PKIA: variants seen among roughly 807,000 people sequenced by gnomAD.
PKIA encodes PKI-alpha.
Under a neutral mutation model 7.6 loss-of-function variants are expected in PKIA, and 4 were observed. The ratio of observed to expected loss-of-function variants is 0.52; its 90% CI spans 0.26 to 1.20. PKIA has a LOEUF of 1.20. Among genes scored for constraint, PKIA ranks in the 50% most tolerant of loss-of-function variants. The pLI is 0.13. For synonymous variants in PKIA, 21 were observed against 30.7 expected, an observed-to-expected ratio of 0.68 and a Z score of 1.04; for missense variants, 73 against 86.2, an observed-to-expected ratio of 0.85 and a Z score of 0.61.
At chr8:78,576,745 C>A (rs1436133907) in intron 2 of PKIA, among the ~76,000 whole-genome samples, 1 of 151,860 alleles carries the variant, frequency 6.6e-6, no homozygotes, top group Non-Finnish European at 1.5e-5. Flanking sequence ...TTGACAGTGG[C>A]ATAGTGAGAT....
At chr8:78,525,104 C>T (rs560080270) in intron 1 of PKIA, among the ~76,000 whole-genome samples, 2 of 151,568 alleles carry the variant, frequency 1.3e-5, no homozygotes, top group South Asian at 4.2e-4. Context: ...AGAGGTGAAT[C>T]ATATTTTAGT....
intron 1 of PKIA, among the ~76,000 whole-genome samples, chr8:78,520,387 C>T (rs1809393814): frequency 6.6e-6 from 1 of 152,154 alleles, no homozygotes; most frequent in African/African-American, 2.4e-5. Context: ...ATTGTACCTG[C>T]TTTCAGTATT....
chr8:78,559,624 T>G (rs1807236101), intron 1 of PKIA, among the ~76,000 whole-genome samples: 1 of 152,182 alleles, frequency 6.6e-6, no homozygotes, highest in Non-Finnish European at 1.5e-5. Context: ...GAACTAAATG[T>G]CTGTGTGATG....
chr8:78,517,256 A>G (rs1304295917), intron 1 of PKIA, among the ~76,000 whole-genome samples: 1 of 152,156 alleles, frequency 6.6e-6, no homozygotes, highest in Non-Finnish European at 1.5e-5. Flanking sequence ...CCCCAAATGC[A>G]TGGAATGAAA....
At chr8:78,544,936 G>T (rs1351256856) in intron 1 of PKIA, among the ~76,000 whole-genome samples, 1 of 151,806 alleles carries the variant, frequency 6.6e-6, no homozygotes, top group Non-Finnish European at 1.5e-5. Context: ...CAGTAATAGA[G>T]GCCTGATTAA....
In PKIA at chr8:78,524,475, T is replaced by A. The variant is rs1430286231; in HGVS notation, c.-157+8007T>A. On this transcript the variant is annotated intron_variant, in intron 1 of 3. Transcript: ENST00000396418. ...CAAATTTGTGCTTTCCTGCAGTGAG[T>A]CAAGCTGAGATAAAATGGGGCTGAT... Among the ~76,000 whole-genome samples, 3 of 151,354 alleles carry A rather than the reference T, an allele frequency of 2.0e-5. No individual in the cohort carries two copies. The East Asian group carries it at 5.8e-4, about 29-fold the overall frequency.
chr8:78,522,168 G>A (rs1809428922), intron 1 of PKIA, among the ~76,000 whole-genome samples: 1 of 151,778 alleles, frequency 6.6e-6, no homozygotes, highest in Non-Finnish European at 1.5e-5. Context: ...ATTAAACATG[G>A]CTAGCATATA....
At chr8:78,588,173 A>G (rs892251732) in intron 2 of PKIA, among the ~76,000 whole-genome samples, 2 of 152,114 alleles carry the variant, frequency 1.3e-5, no homozygotes, top group Non-Finnish European at 2.9e-5. Flanking sequence ...GTGTGACTGG[A>G]AAGATAAGAA....
intron 2 of PKIA, among the ~76,000 whole-genome samples, chr8:78,587,506 A>G (rs1807974740): frequency 6.6e-6 from 1 of 152,236 alleles, no homozygotes; most frequent in Non-Finnish European, 1.5e-5. Flanking sequence ...TCTGCAGCTA[A>G]TTGACTTTCT....
chr8:78,551,472 A>G (rs1806981770), intron 1 of PKIA, among the ~76,000 whole-genome samples: 1 of 152,074 alleles, frequency 6.6e-6, no homozygotes, highest in Admixed American at 6.6e-5. Context: ...CCCAGTTATA[A>G]AGCCATTAGA....
At chr8:78,556,888 A>T (rs1270629722) in intron 1 of PKIA, among the ~76,000 whole-genome samples, 1 of 152,130 alleles carries the variant, frequency 6.6e-6, no homozygotes, top group Non-Finnish European at 1.5e-5. Context: ...AGCTGGCAGG[A>T]ACGATAGATT....
chr8:78,579,647 G>C (rs940470717), intron 2 of PKIA, among the ~76,000 whole-genome samples: 2 of 152,042 alleles, frequency 1.3e-5, no homozygotes, highest in South Asian at 2.1e-4. Context: ...TACACGTTTA[G>C]CAATGAGCAA....
At chr8:78,591,344 T>C (rs1808089013) in intron 2 of PKIA, 6 of 152,664 alleles carry the variant, frequency 3.9e-5, no homozygotes, top group Admixed American at 3.9e-4. Flanking sequence ...TCTACTATAG[T>C]AATACCTTAT....
intron 2 of PKIA, among the ~76,000 whole-genome samples, chr8:78,578,499 C>T (rs1278745908): frequency 6.6e-6 from 1 of 151,510 alleles, no homozygotes; most frequent in Admixed American, 6.6e-5. Context: ...ATTTCCAGTT[C>T]CTATGCTGTT....
chr8:78,542,211 T>A (rs1283331169), intron 1 of PKIA, among the ~76,000 whole-genome samples: 1 of 152,064 alleles, frequency 6.6e-6, no homozygotes, highest in African/African-American at 2.4e-5. Context: ...TTATGCCACT[T>A]TGTTTTTGCT....
chr8:78,588,629 AGTGTACAGATTATTTG>A (rs1808016988), intron 2 of PKIA, among the ~76,000 whole-genome samples: 1 of 152,350 alleles, frequency 6.6e-6, no homozygotes, highest in East Asian at 1.9e-4. Context: ...GTGATTATTT[AGTGTACAGATTATTTG>A]GTGTACAGAT....
chr8:78,534,568 T>C (rs1269199561), intron 1 of PKIA: 1 of 152,104 alleles, frequency 6.6e-6, no homozygotes, highest in Non-Finnish European at 1.5e-5. Flanking sequence ...TACATTTGAG[T>C]TACTGATCAC....
At chr8:78,539,698 AG>A (rs1806624800) in intron 1 of PKIA, among the ~76,000 whole-genome samples, 1 of 152,092 alleles carries the variant, frequency 6.6e-6, no homozygotes, top group Admixed American at 6.6e-5. Context: ...GTAGTCCACA[AG>A]GACAAAAATA....
chr8:78,582,644 G>A (rs996187219), intron 2 of PKIA, among the ~76,000 whole-genome samples: 3 of 151,992 alleles, frequency 2.0e-5, no homozygotes, highest in African/African-American at 4.8e-5. Flanking sequence ...AAAGTTCTCT[G>A]TATTACAATA....
Sources: allele counts gnomAD v4.1 joint callset (sites outside exome capture counted in the v4.1 genomes callset), GRCh38; gene constraint gnomAD v4.1.1; transcripts MANE v1.5; gene names NCBI Gene and HGNC (gene_info 2026-07-23, HGNC 2026-07-21).